Variants in AXDND1 observed in about 807,000 individuals in gnomAD.
AXDND1 encodes the protein axonemal dynein light chain domain containing 1.
In AXDND1, 110 loss-of-function variants were observed where a neutral mutation model predicts 137.5. That is an observed-to-expected ratio of 0.80 (90% CI 0.69 to 0.94). The LOEUF is 0.94. Ranked by LOEUF, AXDND1 falls within the 40% of genes least tolerant of loss-of-function variation. The pLI is 0.00. For missense variants in AXDND1, 1,191 were observed against 1,169.8 expected, an observed-to-expected ratio of 1.02 and a Z score of -0.26; for synonymous variants, 414 against 399.7, an observed-to-expected ratio of 1.04 and a Z score of -0.43.
intron 20 of AXDND1, among the ~76,000 whole-genome samples, chr1:179,494,144 G>T (rs1388350452): frequency 1.3e-5 from 2 of 152,016 alleles, no homozygotes; most frequent in African/African-American, 4.8e-5. Context: ...TGGAGATGGG[G>T]TTTCACCGTG....
At chr1:179,388,541 A>G (rs998416155) in intron 9 of AXDND1, among the ~76,000 whole-genome samples, 1 of 152,024 alleles carries the variant, frequency 6.6e-6, no homozygotes, top group South Asian at 2.1e-4. Context: ...AGGTGTGTCT[A>G]TTATGCTATA....
At chr1:179,540,952 C>T (rs2125727076) in intron 25 of AXDND1, among the ~76,000 whole-genome samples, 1 of 152,330 alleles carries the variant, frequency 6.6e-6, no homozygotes, top group South Asian at 2.1e-4. Context: ...GTTTGAGCTT[C>T]TCAATGGGTT....
At position 179,525,435 on chromosome 1, in the gene AXDND1, G is replaced by C. The variant is rs369850989; in HGVS notation, c.2598G>C (p.Glu866Asp). 7.5e-6 allele frequency: 12 copies of C among 1,608,900 alleles called. No individual in the cohort carries two copies. The African/African-American group carries it at 1.5e-4, about 20-fold the overall frequency. ...EDRKLQEENK[E>D]RAEEQPSTST... ...GGAAACTTCAGGAGGAAAATAAAGA[G>C]AGAGCAGAAGAAGTAAGATTATTTG... Residue 866 changes from glutamate to aspartate, a missense_variant, in exon 22 of 26, where the codon GAG becomes GAC. Physicochemically the swap from Glu to Asp is conservative, Grantham distance 45. Transcript: ENST00000367618.
At chr1:179,527,364 C>T (rs1018647611) in intron 22 of AXDND1, among the ~76,000 whole-genome samples, 4 of 152,122 alleles carry the variant, frequency 2.6e-5, no homozygotes, top group African/African-American at 9.7e-5. Context: ...TCTTTATGAC[C>T]TGTATTTTGT....
At chr1:179,517,747 T>C (rs902646485) in intron 21 of AXDND1, among the ~76,000 whole-genome samples, 19 of 152,168 alleles carry the variant, frequency 1.2e-4, no homozygotes, top group African/African-American at 4.3e-4. Flanking sequence ...TGTTTGGGAG[T>C]GGAGGGTCTC....
At chr1:179,447,211 T>C (rs58836785) in intron 16 of AXDND1, among the ~76,000 whole-genome samples, 48,218 of 152,088 alleles carry the variant, frequency 0.32, 7,964 homozygotes, top group African/African-American at 0.37. Context: ...TCTTTATCCC[T>C]TCTCCCACCC....
intron 12 of AXDND1, among the ~76,000 whole-genome samples, chr1:179,423,610 G>T (rs1399458937): frequency 6.6e-6 from 1 of 150,972 alleles, no homozygotes; most frequent in Non-Finnish European, 1.5e-5. Flanking sequence ...TTTTTGCATG[G>T]TGGTTACCAT....
At chr1:179,446,502 A>G (rs966614873) in intron 16 of AXDND1, among the ~76,000 whole-genome samples, 3 of 152,232 alleles carry the variant, frequency 2.0e-5, no homozygotes, top group Non-Finnish European at 4.4e-5. Flanking sequence ...TCCTTGGTAC[A>G]CTGTGTCTAC....
intron 24 of AXDND1, 27 bp from the exon 25 acceptor site, chr1:179,534,703 T>C: frequency 6.4e-7 from 1 of 1,551,282 alleles, no homozygotes. Flanking sequence ...CCCTTTCTAT[T>C]TTGTTGTGTC....
chr1:179,394,087 C>A, intron 10 of AXDND1, 44 bp downstream of exon 10: 2 of 1,546,594 alleles, frequency 1.3e-6, no homozygotes, highest in South Asian at 1.2e-5. Flanking sequence ...AAGTCAATGT[C>A]ATGTCTCTAA....
At chr1:179,456,144 T>A in intron 16 of AXDND1, 1 of 568,172 alleles carries the variant, frequency 1.8e-6, no homozygotes, top group South Asian at 1.5e-5. Context: ...TGTGCTTGGC[T>A]GAGTTCACAA....
Position 179,370,092 on chromosome 1 carries a change from ATAG to A in AXDND1, c.374+18_374+20del. 3 of 1,573,392 alleles carry A rather than the reference ATAG, an allele frequency of 1.9e-6. No individual in the cohort carries two copies. Among genetic ancestry groups the A allele is most frequent in the Non-Finnish European group, 2.6e-6 (3 of 1,144,592 alleles). ...AGGAGCTGGAAGGTAAAGAAGGAAG[ATAG>A]TAGGATAGATGCTGATAAATAGAGT... On this transcript the variant is annotated intron_variant, in intron 4 of 25. Coordinates refer to ENST00000367618, the MANE Select transcript of AXDND1 (RefSeq NM_144696.6).
intron 12 of AXDND1, among the ~76,000 whole-genome samples, chr1:179,423,901 G>A (rs1656155254): frequency 6.6e-6 from 1 of 152,056 alleles, no homozygotes; most frequent in South Asian, 2.1e-4. Flanking sequence ...TACAGTATTA[G>A]CATATTCTAT....
intron 12 of AXDND1, among the ~76,000 whole-genome samples, chr1:179,417,006 C>T (rs1234793644): frequency 1.3e-5 from 2 of 152,054 alleles, no homozygotes; most frequent in Non-Finnish European, 2.9e-5. Context: ...ATCTGTATTG[C>T]CTGTTTTTTG....
rs142066228 is a variant in AXDND1 at position 179,447,809 on chromosome 1, T to G, written c.1798+2605T>G. 3.5e-4 allele frequency: 449 copies of G among 1,299,634 alleles called. 4 individuals carry two copies. In the African/African-American group the frequency reaches 5.1e-3, roughly 15 times the overall value. 80.5% of individuals were successfully genotyped at this position (1,299,634 alleles called of 1,614,324 possible). ...CCCACTGGGCTGCTTCCAGTTCCAT[T>G]TGGCACTGTGAAGTCTGTAGTGCCC... On this transcript the variant is annotated intron_variant, in intron 16 of 25. Coordinates refer to ENST00000367618, the MANE Select transcript of AXDND1 (RefSeq NM_144696.6).
chr1:179,459,030 T>G (rs1661827281), intron 16 of AXDND1, among the ~76,000 whole-genome samples: 1 of 152,120 alleles, frequency 6.6e-6, no homozygotes, highest in Non-Finnish European at 1.5e-5. Context: ...TAAGACAGTT[T>G]GGTGAGGAGA....
At chr1:179,498,605 C>G (rs1667690033) in intron 20 of AXDND1, among the ~76,000 whole-genome samples, 1 of 151,998 alleles carries the variant, frequency 6.6e-6, no homozygotes. Flanking sequence ...TAAAGAACAT[C>G]TGCACAGAAA....
At chr1:179,436,065 A>G (rs569521289) in intron 15 of AXDND1, among the ~76,000 whole-genome samples, 151 of 152,346 alleles carry the variant, frequency 9.9e-4, no homozygotes, top group Non-Finnish European at 3.8e-4. Context: ...GAAGACATTT[A>G]TGTGGCCAAC....
rs140335274 is a variant in AXDND1, at chr1:179,525,439, G to A, written c.2602G>A (p.Ala868Thr). Residue 868 changes from alanine to threonine, a missense_variant, in exon 22 of 26, where the codon GCA becomes ACA. By Grantham distance (58) the Ala-to-Thr change is moderately conservative (BLOSUM62 0). Coordinates refer to ENST00000367618, the MANE Select transcript of AXDND1 (RefSeq NM_144696.6). ...RKLQEENKER[A>T]EEQPSTSTEK... ...ACTTCAGGAGGAAAATAAAGAGAGA[G>A]CAGAAGAAGTAAGATTATTTGGTAT... 3,570 of 1,608,116 alleles carry A rather than the reference G, an allele frequency of 2.2e-3. 4 individuals carry two copies. The highest frequency in any genetic ancestry group is 2.8e-3 in the Non-Finnish European group (3,265 of 1,176,730).
Sources: gnomAD v4.1 joint callset for allele counts (sites outside exome capture counted in the v4.1 genomes callset) on GRCh38, gnomAD v4.1.1 for gene constraint, MANE v1.5 for transcripts, NCBI Gene and HGNC (gene_info 2026-07-23, HGNC 2026-07-21) for gene names.